Variants in NANOS3 observed in about 807,000 individuals in gnomAD.
NANOS3 encodes nanos homolog 3.
In NANOS3, 11 loss-of-function variants were observed where a neutral mutation model predicts 13.8. That is an observed-to-expected ratio of 0.80 (90% CI 0.50 to 1.32). The LOEUF (loss-of-function observed/expected upper bound fraction) is 1.32, where lower values mean the gene tolerates loss of function less well. Ranked by LOEUF, NANOS3 falls within the 40% of genes most tolerant of loss-of-function variation. The probability of loss-of-function intolerance (pLI) is 0.00; values close to 1 mark genes in which losing one functional copy is unlikely to be tolerated. For synonymous variants in NANOS3, 119 were observed against 115.4 expected (o/e 1.03, Z -0.20); for missense variants, 221 against 263.8 (o/e 0.84, Z 1.12).
Position 13,877,217 on chromosome 19 carries a change from G to C in NANOS3, c.-32G>C. Reference sequence around the variant, plus strand: ...GCCAGGCAGGGTTACTTGTCTCTGTGACTCCTTCCGCCTGGCACATGCTGC... The same window carrying C: ...GCCAGGCAGGGTTACTTGTCTCTGTCACTCCTTCCGCCTGGCACATGCTGC... On this transcript the variant is annotated 5_prime_UTR_variant, in exon 1 of 2. Transcript: ENST00000339133. 6.4e-7 allele frequency: 1 copy of C among 1,568,668 alleles called. No homozygotes were observed. Among genetic ancestry groups the C allele is most frequent in the Non-Finnish European group, 8.7e-7 (1 of 1,150,050 alleles).
chr19:13,862,851 T>G (rs1976178468), upstream of NANOS3, among the ~76,000 whole-genome samples: 1 of 152,216 alleles, frequency 6.6e-6, no homozygotes, highest in Admixed American at 6.5e-5. Context: ...CCCTGCCTCT[T>G]ACAGGCGGTA....
chr19:13,863,177 C>A (rs1038642907), upstream of NANOS3, among the ~76,000 whole-genome samples: 1 of 151,962 alleles, frequency 6.6e-6, no homozygotes, highest in South Asian at 2.1e-4. Context: ...CAACCCCTTC[C>A]GCCTCTTTTT....
upstream of NANOS3, among the ~76,000 whole-genome samples, chr19:13,862,732 T>G (rs915961346): frequency 6.6e-6 from 1 of 151,940 alleles, no homozygotes; most frequent in Non-Finnish European, 1.5e-5. Context: ...AGAGAAGAGA[T>G]TTCACCATGT....
At chr19:13,872,803 A>G (rs1317607625), upstream of NANOS3, among the ~76,000 whole-genome samples, 1 of 151,896 alleles carries the variant, frequency 6.6e-6, no homozygotes, top group Non-Finnish European at 1.5e-5. Context: ...GAGCTGCGAG[A>G]GAGGGCGCCC....
At chr19:13,878,143 G>A (rs574353051) in intron 1 of NANOS3, among the ~76,000 whole-genome samples, 69 of 152,134 alleles carry the variant, frequency 4.5e-4, no homozygotes, top group Non-Finnish European at 8.4e-4. Context: ...TGGCCAGGCT[G>A]GTCTCAAAAC....
chr19:13,878,603 C>CT (rs57017103), intron 1 of NANOS3, among the ~76,000 whole-genome samples: 8,242 of 145,258 alleles, frequency 0.057, 779 homozygotes, highest in African/African-American at 0.2. Flanking sequence ...ATTTTTCTTC[C>CT]TTTTTTTTTT....
At chr19:13,864,238 G>A (rs947344206), upstream of NANOS3, among the ~76,000 whole-genome samples, 1 of 152,094 alleles carries the variant, frequency 6.6e-6, no homozygotes, top group African/African-American at 2.4e-5. Context: ...GAGGAGTACC[G>A]TCTGTGCAAG....
chr19:13,880,432 C>G lies in NANOS3; in HGVS notation c.518-10C>G, dbSNP rs747862569. ...GTGATTAAGCATTTCTCTCCCTCCC[C>G]CTCCACTAGGTTTCAGAGGTGCCGG... On this transcript the variant is annotated splice_polypyrimidine_tract_variant and intron_variant, in intron 1 of 1. Coordinates refer to ENST00000339133, the MANE Select transcript of NANOS3 (RefSeq NM_001098622.3). The G allele has an allele frequency of 8.1e-6, 13 of 1,613,594 alleles. No individual in the cohort carries two copies. In the South Asian group the frequency reaches 1.2e-4, roughly 15 times the overall value.
intron 1 of NANOS3, among the ~76,000 whole-genome samples, chr19:13,869,672 C>T (rs1035238100): frequency 6.6e-5 from 10 of 151,560 alleles, no homozygotes; most frequent in African/African-American, 2.2e-4. Context: ...CTCTTGGTGT[C>T]GCTGGAACCC....
At chr19:13,876,506 C>T (rs772891423), upstream of NANOS3, among the ~76,000 whole-genome samples, 5 of 152,180 alleles carry the variant, frequency 3.3e-5, no homozygotes, top group Non-Finnish European at 1.5e-5. Flanking sequence ...TGGCTTCACA[C>T]CTCAGTTTGC....
intron 1 of NANOS3, among the ~76,000 whole-genome samples, chr19:13,868,679 C>CT (rs1194587632): frequency 1.7e-4 from 18 of 104,300 alleles, no homozygotes; most frequent in Non-Finnish European, 3.5e-4. Context: ...GACCTAGTCT[C>CT]TTTTAAAAAA....
chr19:13,880,252 T>A (rs542477637), intron 1 of NANOS3, among the ~76,000 whole-genome samples, 190 bp from the exon 2 acceptor site: 2 of 152,114 alleles, frequency 1.3e-5, no homozygotes, highest in South Asian at 4.2e-4. Flanking sequence ...ACTCCTGTGC[T>A]TTGTCTCGGG....
Position 13,880,616 on chromosome 19 carries a change from C to A in NANOS3, c.*113C>A. ...CCCTCCCCCCAGCCTGGGATTGAGCCCTGGGGATGACCCGGGGTTGGCAAG... is the reference window on the plus strand; with the variant it reads ...CCCTCCCCCCAGCCTGGGATTGAGCACTGGGGATGACCCGGGGTTGGCAAG... On this transcript the variant is annotated 3_prime_UTR_variant, in exon 2 of 2. Coordinates refer to ENST00000339133, the MANE Select transcript of NANOS3 (RefSeq NM_001098622.3). The A allele has an allele frequency of 1.1e-6, 1 of 903,386 alleles. No homozygotes were observed. The highest frequency in any genetic ancestry group is 1.8e-6 in the Non-Finnish European group (1 of 562,616). The allele number at this position is 903,386 out of a possible 1,614,324, so 56.0% of individuals were successfully genotyped here. A position where few individuals can be genotyped will look rare whatever the true frequency, so the allele number is the denominator to read the frequency against.
At chr19:13,867,153 CT>C (rs1310278309) in intron 1 of NANOS3, among the ~76,000 whole-genome samples, 6 of 152,012 alleles carry the variant, frequency 3.9e-5, no homozygotes, top group African/African-American at 1.4e-4. Context: ...GTTGGCCAGG[CT>C]GGTCTTGAAC....
At chr19:13,866,137 G>A (rs11880167) in intron 1 of NANOS3, among the ~76,000 whole-genome samples, 19,642 of 152,142 alleles carry the variant, frequency 0.13, 1,385 homozygotes, top group Non-Finnish European at 0.15. Flanking sequence ...TGGGGCCAAG[G>A]TTTGCGAACA....
chr19:13,880,204 C>A (rs988042108), intron 1 of NANOS3, among the ~76,000 whole-genome samples: 1 of 152,142 alleles, frequency 6.6e-6, no homozygotes, highest in Non-Finnish European at 1.5e-5. Flanking sequence ...CCCCAGAGCA[C>A]GGCGGCCACG....
chr19:13,871,642 C>T (rs1458722128), intron 1 of NANOS3, among the ~76,000 whole-genome samples: 1 of 152,156 alleles, frequency 6.6e-6, no homozygotes, highest in African/African-American at 2.4e-5. Flanking sequence ...GGAACCCCCT[C>T]CAACATAGCC....
Position 13,877,243 on chromosome 19 carries a change from C to T in NANOS3, c.-6C>T. ...ACTCCTTCCGCCTGGCACATGCTGCCCAGCTATGGGGACCTTTGACCTGTG... is the reference window on the plus strand; with the variant it reads ...ACTCCTTCCGCCTGGCACATGCTGCTCAGCTATGGGGACCTTTGACCTGTG... On this transcript the variant is annotated 5_prime_UTR_variant, in exon 1 of 2. Coordinates refer to ENST00000339133, the MANE Select transcript of NANOS3 (RefSeq NM_001098622.3). 8 of 1,599,394 alleles carry T rather than the reference C, an allele frequency of 5.0e-6. No homozygotes were observed. The highest frequency in any genetic ancestry group is 6.8e-6 in the Non-Finnish European group (8 of 1,170,008).
Position 13,877,705 on chromosome 19 carries a change from C to T in NANOS3, c.457C>T (p.Arg153Trp), listed in dbSNP as rs1015135299. ...AAACTCGGCAGGCAAGAAGCTGGTC[C>T]GGCCTGACAAGGCGAAGACACAGGA... is the stretch of plus-strand genomic sequence containing the variant. ...TRNSAGKKLV[R>W]PDKAKTQDTG... Residue 153 changes from arginine to tryptophan, a missense_variant, in exon 1 of 2, where the codon CGG (arginine) becomes TGG (tryptophan). By Grantham distance (101) the Arg-to-Trp change is moderately radical. Coordinates refer to ENST00000339133, the MANE Select transcript of NANOS3 (RefSeq NM_001098622.3). The T allele has an allele frequency of 6.8e-6, 11 of 1,607,240 alleles. No individual in the cohort carries two copies. Among genetic ancestry groups the T allele is most frequent in the Non-Finnish European group, 8.5e-6 (10 of 1,177,924 alleles).
Sources: allele counts gnomAD v4.1 joint callset (sites outside exome capture counted in the v4.1 genomes callset), GRCh38; gene constraint gnomAD v4.1.1; transcripts MANE v1.5; gene names NCBI Gene and HGNC (gene_info 2026-07-23, HGNC 2026-07-21).